Variants in KCNJ3 observed in about 807,000 individuals in gnomAD.
The protein encoded by KCNJ3 is G protein-activated inward rectifier potassium channel 1.
KCNJ3 carries 4 observed loss-of-function variants against 39.2 expected under a neutral mutation model. The ratio of observed to expected loss-of-function variants is 0.10; its 90% CI spans 0.05 to 0.23. The LOEUF (loss-of-function observed/expected upper bound fraction) is 0.23. Among genes scored for constraint, KCNJ3 ranks in the 10% least tolerant of loss-of-function variants. The probability of loss-of-function intolerance (pLI) is 1.00; values close to 1 mark genes in which losing one functional copy is unlikely to be tolerated. For missense variants in KCNJ3, 276 were observed against 634.9 expected (o/e 0.43, Z 6.08); for synonymous variants, 230 against 237.4 (o/e 0.97, Z 0.29).
chr2:154,791,340 G>A (rs1282026242), intron 2 of KCNJ3, among the ~76,000 whole-genome samples: 3 of 152,064 alleles, frequency 2.0e-5, no homozygotes, highest in African/African-American at 7.2e-5. Flanking sequence ...ATAGAAACAA[G>A]TAAAGTTTGT....
intron 2 of KCNJ3, among the ~76,000 whole-genome samples, chr2:154,744,126 T>C (rs1478524085): frequency 6.6e-6 from 1 of 151,780 alleles, no homozygotes; most frequent in African/African-American, 2.4e-5. Flanking sequence ...ACTTAGTTAA[T>C]ATTGCAGATT....
intron 2 of KCNJ3, among the ~76,000 whole-genome samples, chr2:154,797,114 G>T (rs760811151): frequency 6.6e-6 from 1 of 152,104 alleles, no homozygotes. Flanking sequence ...GCCATTGAGC[G>T]TTTACTGAGA....
chr2:154,752,353 C>T (rs920296526), intron 2 of KCNJ3, among the ~76,000 whole-genome samples: 4 of 151,548 alleles, frequency 2.6e-5, no homozygotes, highest in Non-Finnish European at 5.9e-5. Context: ...ACATAAACTA[C>T]CATATAAACT....
At chr2:154,836,219 CAA>C (rs367802062) in intron 2 of KCNJ3, among the ~76,000 whole-genome samples, 5 of 118,648 alleles carry the variant, frequency 4.2e-5, no homozygotes, top group African/African-American at 1.4e-4. Context: ...AAAAAAAAAA[CAA>C]AAAAAAACAA....
intron 2 of KCNJ3, among the ~76,000 whole-genome samples, chr2:154,715,765 T>C (rs1685170661): frequency 6.6e-6 from 1 of 152,220 alleles, no homozygotes; most frequent in South Asian, 2.1e-4. Flanking sequence ...AAGTTACTGA[T>C]CTACACCATT....
At chr2:154,703,475 A>ATGTG (rs1385780339) in intron 1 of KCNJ3, among the ~76,000 whole-genome samples, 3 of 140,536 alleles carry the variant, frequency 2.1e-5, no homozygotes, top group African/African-American at 8.3e-5. Flanking sequence ...TATCCTCCAT[A>ATGTG]TATATGTGTG....
chr2:154,767,134 A>G (rs748005236), intron 2 of KCNJ3, among the ~76,000 whole-genome samples: 6 of 152,134 alleles, frequency 3.9e-5, no homozygotes, highest in Non-Finnish European at 8.8e-5. Flanking sequence ...TAATTAAATC[A>G]GTTATTTTAG....
chr2:154,798,486 T>C (rs74796574), intron 2 of KCNJ3, among the ~76,000 whole-genome samples: 5,996 of 152,140 alleles, frequency 0.039, 149 homozygotes, highest in Middle Eastern at 0.068. Context: ...TAAAACAAAG[T>C]AGAATATTAA....
At chr2:154,732,234 T>C (rs1685459684) in intron 2 of KCNJ3, among the ~76,000 whole-genome samples, 1 of 152,150 alleles carries the variant, frequency 6.6e-6, no homozygotes, top group Non-Finnish European at 1.5e-5. Flanking sequence ...TGCATACGTG[T>C]GCATTTTTTA....
chr2:154,764,504 C>G (rs1166236209), intron 2 of KCNJ3, among the ~76,000 whole-genome samples: 1 of 152,166 alleles, frequency 6.6e-6, no homozygotes, highest in Non-Finnish European at 1.5e-5. Context: ...AATCTTCCTT[C>G]TACTCTAAGG....
At chr2:154,853,006 T>G (rs1311558630) in intron 2 of KCNJ3, among the ~76,000 whole-genome samples, 1 of 152,080 alleles carries the variant, frequency 6.6e-6, no homozygotes, top group African/African-American at 2.4e-5. Context: ...AATAGGATGA[T>G]ACTTTTTTTC....
At chr2:154,759,042 T>C (rs1315553475) in intron 2 of KCNJ3, among the ~76,000 whole-genome samples, 2 of 152,166 alleles carry the variant, frequency 1.3e-5, no homozygotes, top group Non-Finnish European at 2.9e-5. Context: ...AGAAATAAAA[T>C]GGTTGGTGGA....
intron 2 of KCNJ3, among the ~76,000 whole-genome samples, chr2:154,728,848 C>T (rs778432401): frequency 5.9e-5 from 9 of 151,808 alleles, no homozygotes; most frequent in Non-Finnish European, 1.3e-4. Context: ...GAAATTATAC[C>T]GGTCTTATTT....
At chr2:154,721,049 T>C (rs1685256426) in intron 2 of KCNJ3, among the ~76,000 whole-genome samples, 1 of 11,480 alleles carries the variant, frequency 8.7e-5, no homozygotes, top group Non-Finnish European at 4.1e-4. Flanking sequence ...TTTTTCCCAG[T>C]GGCCTTTTAA....
intron 2 of KCNJ3, among the ~76,000 whole-genome samples, chr2:154,830,009 T>C (rs1165699628): frequency 6.6e-6 from 1 of 152,178 alleles, no homozygotes; most frequent in African/African-American, 2.4e-5. Flanking sequence ...CATATTCTAG[T>C]AGCAACCTCT....
rs189318789 is a variant in KCNJ3, at chr2:154,821,400, C to A, written c.920-33327C>A. On this transcript the variant is annotated intron_variant, in intron 2 of 2. Transcript: ENST00000295101. The stretch of plus-strand genomic sequence containing the variant: ...GCAACTATTAGAAAATAATCCACTA[C>A]GAAGTTTGAAGGTAGGAAATTTTGT... Among the ~76,000 whole-genome samples, 4 of 152,222 alleles carry A rather than the reference C, an allele frequency of 2.6e-5. No individual in the cohort carries two copies. The South Asian group carries it at 6.2e-4, about 24-fold the overall frequency.
At chr2:154,800,777 A>G (rs1686805407) in intron 2 of KCNJ3, among the ~76,000 whole-genome samples, 1 of 152,196 alleles carries the variant, frequency 6.6e-6, no homozygotes, top group African/African-American at 2.4e-5. Context: ...TTTAAACAAT[A>G]TTTGTCACTG....
chr2:154,850,008 CTTTTTTTTTTTT>C lies in KCNJ3; in HGVS notation c.920-4694_920-4683del, dbSNP rs373062062. 2.6e-3 allele frequency among the ~76,000 whole-genome samples: 125 copies of C among 48,860 alleles called. 2 individuals carry two copies. The highest frequency in any genetic ancestry group is 0.012 in the East Asian group (13 of 1,060). The allele number at this position is 48,860 out of a possible 152,430, so 32.1% of individuals were successfully genotyped here. On this transcript the variant is annotated intron_variant, in intron 2 of 2. Coordinates refer to ENST00000295101, the MANE Select transcript of KCNJ3 (RefSeq NM_002239.4). Reference sequence around the variant, plus strand: ...TTGCAATGCAATGTACAGAATAAATCTTTTTTTTTTTTTTTTTTTTTTTTTTTTTTTTTTTTA... The same window carrying C: ...TTGCAATGCAATGTACAGAATAAATCTTTTTTTTTTTTTTTTTTTTTTTTA...
rs185269133 is a variant in KCNJ3 at position 154,715,149 on chromosome 2, T to C, written c.919+5330T>C. Among the ~76,000 whole-genome samples, 5 of 152,356 alleles carry C rather than the reference T, an allele frequency of 3.3e-5. No individual in the cohort carries two copies. The East Asian group carries it at 9.6e-4, about 29-fold the overall frequency. On this transcript the variant is annotated intron_variant, in intron 2 of 2. Coordinates refer to ENST00000295101, the MANE Select transcript of KCNJ3 (RefSeq NM_002239.4). ...TAATAACTCTCAATTCAACTATTCC[T>C]TTTTAAGCCCACATCACGGTACTTC...
Sources: gnomAD v4.1 joint callset for allele counts (sites outside exome capture counted in the v4.1 genomes callset) on GRCh38, gnomAD v4.1.1 for gene constraint, MANE v1.5 for transcripts, NCBI Gene and HGNC (gene_info 2026-07-23, HGNC 2026-07-21) for gene names.